Variants in NUMA1 observed in about 807,000 individuals in gnomAD.
The protein encoded by NUMA1 is nuclear mitotic apparatus protein 1.
Under a neutral mutation model 237.1 loss-of-function variants are expected in NUMA1, and 62 were observed. The observed-to-expected ratio is 0.26, with a 90% CI of 0.21 to 0.32. The LOEUF (loss-of-function observed/expected upper bound fraction) is 0.32, where lower values mean the gene tolerates loss of function less well. NUMA1 is among the 10% of genes least tolerant of loss of function. The pLI is 1.00. For synonymous variants in NUMA1, 1,028 were observed against 1,066.1 expected (o/e 0.96, Z 0.70); for missense variants, 2,533 against 2,666.5 (o/e 0.95, Z 1.10).
intron 15 of NUMA1, 71 bp from the exon 16 acceptor site, chr11:72,012,513 C>G: frequency 7.1e-7 from 1 of 1,405,452 alleles, no homozygotes; most frequent in Non-Finnish European, 1.0e-6. Flanking sequence ...TGCTGCCAGG[C>G]TGACCTCACT....
chr11:72,034,490 C>T (rs1337338780), intron 3 of NUMA1, among the ~76,000 whole-genome samples: 1 of 151,814 alleles, frequency 6.6e-6, no homozygotes, highest in Non-Finnish European at 1.5e-5. Flanking sequence ...GGGCGGACCA[C>T]GAGGTCAGGA....
chr11:72,056,008 G>A (rs1010615214), intron 2 of NUMA1, among the ~76,000 whole-genome samples: 3 of 151,704 alleles, frequency 2.0e-5, no homozygotes, highest in Non-Finnish European at 4.4e-5. Context: ...AATTAGCCAG[G>A]TGTGGTGGTG....
intron 2 of NUMA1, chr11:72,040,914 GAGAA>G (rs1395693957): frequency 1.3e-5 from 2 of 151,988 alleles, no homozygotes; most frequent in Non-Finnish European, 2.9e-5. Context: ...CAAAAACCCA[GAGAA>G]AGAGTGAGGG....
chr11:72,008,662 CAT>C, intron 20 of NUMA1, 24 bp downstream of exon 20: 1 of 1,612,776 alleles, frequency 6.2e-7, no homozygotes, highest in Non-Finnish European at 8.5e-7. Context: ...CATAAACAGA[CAT>C]AGGGAGGAAG....
In NUMA1 at chr11:72,009,991, C is replaced by T. The variant is rs370482467; in HGVS notation, c.4720-604G>A. Among the ~76,000 whole-genome samples, 189 of 152,354 alleles carry T rather than the reference C, an allele frequency of 1.2e-3. No individual in the cohort carries two copies. In the South Asian group the frequency reaches 0.015, roughly 12 times the overall value. On this transcript the variant is annotated intron_variant, in intron 17 of 26. Coordinates refer to ENST00000393695, the MANE Select transcript of NUMA1 (RefSeq NM_006185.4). ...AACTCCTTAAGAGCAGGGCCTGATT[C>T]TCTGTCCATCTGCAAGGCCAACAAG... is the stretch of plus-strand genomic sequence containing the variant.
intron 10 of NUMA1, 139 bp downstream of exon 10, chr11:72,018,684 C>G: frequency 8.6e-7 from 1 of 1,159,886 alleles, no homozygotes; most frequent in Non-Finnish European, 1.2e-6. Context: ...CAGAACCTAG[C>G]TTCCAGGAGG....
At chr11:72,011,539 A>T (rs904939755) in intron 16 of NUMA1, among the ~76,000 whole-genome samples, 6 of 152,218 alleles carry the variant, frequency 3.9e-5, no homozygotes, top group Non-Finnish European at 7.3e-5. Flanking sequence ...AAGCATGACC[A>T]GGCAGCACAG....
At chr11:72,009,207 GGGT>G in intron 18 of NUMA1, 22 bp from the exon 19 acceptor site, 2 of 451,708 alleles carry the variant, frequency 4.4e-6, no homozygotes, top group Non-Finnish European at 4.5e-6. Flanking sequence ...GAGGGTGGGT[GGGT>G]GGGGTAGAGG....
At chr11:72,074,729 ACT>A (rs1480237991) in intron 1 of NUMA1, among the ~76,000 whole-genome samples, 2 of 151,322 alleles carry the variant, frequency 1.3e-5, no homozygotes, top group African/African-American at 4.9e-5. Flanking sequence ...ACAGAGCAAG[ACT>A]CTGTCTCAAA....
chr11:72,026,173 C>G (rs1013825767), intron 4 of NUMA1, among the ~76,000 whole-genome samples: 12 of 152,170 alleles, frequency 7.9e-5, no homozygotes, highest in Non-Finnish European at 2.9e-5. Context: ...AGAAATCCAG[C>G]CCATCCTTTA....
chr11:72,008,878 A>G lies in NUMA1; in HGVS notation c.5059-33T>C, dbSNP rs184637063. ...GGAGAGGGCCAGGGGGAGAGTGAAG[A>G]AAAGCCTAAGGCAGCAGTGGCCTAG... On this transcript the variant is annotated intron_variant, in intron 19 of 26. Transcript: ENST00000393695. 65 of 1,613,772 alleles carry G rather than the reference A, an allele frequency of 4.0e-5. No homozygotes were observed. The Admixed American group carries it at 6.8e-4, about 17-fold the overall frequency.
rs530806905 is a variant in NUMA1, at chr11:72,043,127, G to A, written c.-32-7152C>T. ...GCAGAGAGAGGAACTGTACAGGGGA[G>A]GAAAGTATGAGGGATGATATGCAGA... is the stretch of plus-strand genomic sequence containing the variant. On this transcript the variant is annotated intron_variant, in intron 2 of 26. Transcript: ENST00000393695. 3.9e-5 allele frequency among the ~76,000 whole-genome samples: 6 copies of A among 152,132 alleles called. No individual in the cohort carries two copies. In the South Asian group the frequency reaches 1.2e-3, roughly 32 times the overall value.
At chr11:72,059,605 G>A (rs1565285606) in intron 2 of NUMA1, among the ~76,000 whole-genome samples, 2 of 152,146 alleles carry the variant, frequency 1.3e-5, no homozygotes, top group Admixed American at 6.5e-5. Flanking sequence ...AAAATCCTAT[G>A]TAAGAATGTG....
intron 2 of NUMA1, among the ~76,000 whole-genome samples, chr11:72,037,010 A>G (rs1050135072): frequency 1.3e-5 from 2 of 152,118 alleles, no homozygotes; most frequent in African/African-American, 2.4e-5. Context: ...GCATCTCCAG[A>G]GTGTGGGCTC....
chr11:72,013,294 C>G lies in NUMA1; in HGVS notation c.4209G>C (p.Gln1403His), dbSNP rs1276906345. The G allele has an allele frequency of 6.2e-7, 1 of 1,604,490 alleles. No homozygotes were observed. Among genetic ancestry groups the G allele is most frequent in the Admixed American group, 1.7e-5 (1 of 60,000 alleles). Residue 1403 changes from glutamine (Q) to histidine (H), a missense_variant, in exon 15 of 27, where the codon CAG (glutamine) becomes CAC (histidine). Physicochemically the swap from Gln to His is conservative, Grantham distance 24. This residue lies in a region of NUMA1 where 324 missense variants were observed against 407.6 expected (regional missense o/e 0.79). Coordinates refer to ENST00000393695, the MANE Select transcript of NUMA1 (RefSeq NM_006185.4). This position sits in a 1 kb window ranked among gnomAD's most constrained non-coding sequence, Gnocchi z 6.8. ...GGLRAELLRA[Q>H]RELGELIPLR... ...GAGGAATCAGCTCCCCAAGCTCCCG[C>G]TGGGCCCGCAGCAGCTCTGCCCGCA...
chr11:72,061,792 A>ATTTAAT (rs1403035732), intron 2 of NUMA1, among the ~76,000 whole-genome samples: 1 of 151,922 alleles, frequency 6.6e-6, no homozygotes, highest in Non-Finnish European at 1.5e-5. Flanking sequence ...CTGGCCCCTT[A>ATTTAAT]TTTAATTTCA....
In NUMA1 at chr11:72,014,924, T is replaced by G. The variant is rs1030933497; in HGVS notation, c.2579A>C (p.Glu860Ala). The G allele has an allele frequency of 6.2e-7, 1 of 1,614,186 alleles. No homozygotes were observed. The highest frequency in any genetic ancestry group is 1.7e-5 in the Admixed American group (1 of 60,028). Residue 860 changes from glutamate to alanine, a missense_variant, in exon 15 of 27, where the codon GAA becomes GCA. By Grantham distance (107) the Glu-to-Ala change is moderately radical (BLOSUM62 -1). Transcript: ENST00000393695. The surrounding 1 kb of genome is among the most constrained non-coding windows in gnomAD (Gnocchi z 4.6). ...QEAKEKVAGI[E>A]SHSELQISRQ... Reference sequence around the variant, plus strand: ...GCTTATCTGGAGCTCGCTGTGGGATTCTATGCCTGCCACCTTCTCCTTTGC... The same window carrying G: ...GCTTATCTGGAGCTCGCTGTGGGATGCTATGCCTGCCACCTTCTCCTTTGC...
chr11:72,003,989 G>A lies in NUMA1; in HGVS notation c.6234C>T (p.Pro2078=). 6.2e-7 allele frequency: 1 copy of A among 1,613,364 alleles called. No individual in the cohort carries two copies. Among genetic ancestry groups the A allele is most frequent in the Non-Finnish European group, 8.5e-7 (1 of 1,179,618 alleles). The change falls in exon 26 of 27, where the codon CCC becomes CCT. Residue 2078 remains proline, a synonymous_variant. Transcript: ENST00000393695. ...AACGGCGGGTTCCACTGCGAGTGTT[G>A]GGGGAAGCCTTGGACAGGGCCTTCT... ...ASKKALSKAS[P]NTRSGTRRSP...
At chr11:72,080,129 G>A (rs1410390021) in intron 1 of NUMA1, among the ~76,000 whole-genome samples, 1 of 152,106 alleles carries the variant, frequency 6.6e-6, no homozygotes, top group Non-Finnish European at 1.5e-5. Context: ...TATTGTTAAC[G>A]ATAAAAGGCA....
Sources: allele counts gnomAD v4.1 joint callset (sites outside exome capture counted in the v4.1 genomes callset), GRCh38; gene constraint gnomAD v4.1.1; regional missense constraint gnomAD v4.1.1; non-coding constraint Gnocchi (gnomAD v3.1); transcripts MANE v1.5; gene names NCBI Gene and HGNC (gene_info 2026-07-23, HGNC 2026-07-21).